Variants in PTPRD observed in about 807,000 individuals in gnomAD.
PTPRD encodes the protein protein tyrosine phosphatase receptor type D.
PTPRD carries 34 observed loss-of-function variants against 214.5 expected under a neutral mutation model. That is an observed-to-expected ratio of 0.16 (90% CI 0.12 to 0.21). PTPRD has a LOEUF of 0.21. Among genes scored for constraint, PTPRD ranks in the 10% least tolerant of loss-of-function variants. The probability of loss-of-function intolerance (pLI) is 1.00; values close to 1 mark genes in which losing one functional copy is unlikely to be tolerated. For synonymous variants in PTPRD, 1,128 were observed against 845.7 expected, an observed-to-expected ratio of 1.33 and a Z score of -5.79; for missense variants, 2,545 against 2,398.7, an observed-to-expected ratio of 1.06 and a Z score of -1.27.
At chr9:8,919,723 G>A (rs542409790) in intron 11 of PTPRD, among the ~76,000 whole-genome samples, 99 of 151,466 alleles carry the variant, frequency 6.5e-4, no homozygotes, top group African/African-American at 1.7e-3. Context: ...CTGCAGTCAC[G>A]CATGCATGCA....
At chr9:10,305,972 T>C (rs947164763) in intron 3 of PTPRD, among the ~76,000 whole-genome samples, 1 of 151,994 alleles carries the variant, frequency 6.6e-6, no homozygotes, top group African/African-American at 2.4e-5. Context: ...CATATACACA[T>C]ATATGTTTAT....
chr9:10,236,915 A>G (rs1200788727), intron 3 of PTPRD, among the ~76,000 whole-genome samples: 1 of 151,936 alleles, frequency 6.6e-6, no homozygotes, highest in African/African-American at 2.4e-5. Context: ...TATTAAAAAT[A>G]TTATTCTTTG....
intron 11 of PTPRD, among the ~76,000 whole-genome samples, chr9:8,829,920 T>C (rs1205029708): frequency 6.6e-6 from 1 of 152,180 alleles, no homozygotes; most frequent in Admixed American, 6.5e-5. Flanking sequence ...AACCTCTTCA[T>C]TAACTATATA....
intron 10 of PTPRD, among the ~76,000 whole-genome samples, chr9:9,156,639 G>A (rs2099881424): frequency 6.6e-6 from 1 of 152,078 alleles, no homozygotes; most frequent in Non-Finnish European, 1.5e-5. Flanking sequence ...ATTCACAGCG[G>A]CGTCATGTAT....
At chr9:8,716,268 A>C (rs1460540516) in intron 12 of PTPRD, among the ~76,000 whole-genome samples, 1 of 152,234 alleles carries the variant, frequency 6.6e-6, no homozygotes, top group Non-Finnish European at 1.5e-5. Context: ...AAGGAGAACC[A>C]AAGGATTTAA....
intron 10 of PTPRD, among the ~76,000 whole-genome samples, chr9:9,103,140 C>T (rs1384619194): frequency 5.3e-5 from 8 of 152,066 alleles, no homozygotes; most frequent in African/African-American, 1.9e-4. Context: ...TGCTGGTATT[C>T]CAAGTTATAA....
chr9:9,477,801 T>A (rs555706902), intron 8 of PTPRD, among the ~76,000 whole-genome samples: 1 of 152,198 alleles, frequency 6.6e-6, no homozygotes, highest in Non-Finnish European at 1.5e-5. Context: ...CTGTACATTT[T>A]CTTGACAAAC....
Position 10,459,662 on chromosome 9 carries a change from C to CT in PTPRD, c.-599-118646dup, listed in dbSNP as rs1022860509. Among the ~76,000 whole-genome samples, 51 of 147,120 alleles carry CT rather than the reference C, an allele frequency of 3.5e-4. No individual in the cohort carries two copies. The East Asian group carries it at 4.0e-3, about 11-fold the overall frequency. On this transcript the variant is annotated intron_variant, in intron 2 of 45. Transcript: ENST00000381196. ...TTCTCTAACGACCCGTGATGAAGAGCTTTTTTTTTTTCATACGTTTGTTGG... is the reference window on the plus strand; with the variant it reads ...TTCTCTAACGACCCGTGATGAAGAGCTTTTTTTTTTTTCATACGTTTGTTGG...
At chr9:10,003,924 T>C (rs2096400870) in intron 4 of PTPRD, among the ~76,000 whole-genome samples, 1 of 151,782 alleles carries the variant, frequency 6.6e-6, no homozygotes, top group South Asian at 2.1e-4. Flanking sequence ...TTATTCAAAA[T>C]TAATTTTGAA....
intron 22 of PTPRD, among the ~76,000 whole-genome samples, chr9:8,506,620 G>C (rs2097547566): frequency 6.6e-6 from 1 of 152,136 alleles, no homozygotes; most frequent in African/African-American, 2.4e-5. Flanking sequence ...CGATTAATAA[G>C]AAAGGCTAGC....
chr9:9,230,649 C>G (rs1015399642), intron 9 of PTPRD, among the ~76,000 whole-genome samples: 4 of 152,068 alleles, frequency 2.6e-5, no homozygotes, highest in African/African-American at 9.7e-5. Flanking sequence ...CTAGGACACC[C>G]AGCTGTTTGG....
intron 4 of PTPRD, among the ~76,000 whole-genome samples, chr9:10,026,899 A>C (rs906711694): frequency 6.6e-6 from 1 of 152,124 alleles, no homozygotes; most frequent in East Asian, 1.9e-4. Context: ...GAAGGATATA[A>C]AATTGCAACA....
chr9:10,355,730 G>A (rs2097265096), intron 2 of PTPRD, among the ~76,000 whole-genome samples: 1 of 151,918 alleles, frequency 6.6e-6, no homozygotes, highest in Non-Finnish European at 1.5e-5. Flanking sequence ...CGCCCACCTC[G>A]GCCTCCCAAA....
chr9:9,107,210 C>A (rs910398120), intron 10 of PTPRD, among the ~76,000 whole-genome samples: 1 of 151,910 alleles, frequency 6.6e-6, no homozygotes, highest in African/African-American at 2.4e-5. Flanking sequence ...AGGCCAAAAG[C>A]CAGACTTTGA....
chr9:8,836,964 C>T (rs1300356517), intron 11 of PTPRD, among the ~76,000 whole-genome samples: 1 of 151,720 alleles, frequency 6.6e-6, no homozygotes, highest in Non-Finnish European at 1.5e-5. Flanking sequence ...ATTAATAACC[C>T]ACCCATCCCC....
At chr9:9,011,118 TCTA>T (rs1201308368) in intron 11 of PTPRD, among the ~76,000 whole-genome samples, 1 of 152,064 alleles carries the variant, frequency 6.6e-6, no homozygotes, top group Non-Finnish European at 1.5e-5. Context: ...GAGTGGCAAT[TCTA>T]GTCTGTAGGG....
At chr9:9,068,259 A>G (rs761373835) in intron 10 of PTPRD, among the ~76,000 whole-genome samples, 2 of 152,174 alleles carry the variant, frequency 1.3e-5, no homozygotes, top group Non-Finnish European at 2.9e-5. Flanking sequence ...TGAAGTGGAC[A>G]TCTGGGCTGC....
At chr9:10,256,478 G>A (rs989378596) in intron 3 of PTPRD, among the ~76,000 whole-genome samples, 2 of 151,124 alleles carry the variant, frequency 1.3e-5, no homozygotes, top group Admixed American at 6.6e-5. Flanking sequence ...GAAAATTTTA[G>A]CTCCATTATA....
At chr9:10,177,235 A>G (rs2099254056) in intron 3 of PTPRD, among the ~76,000 whole-genome samples, 1 of 151,892 alleles carries the variant, frequency 6.6e-6, no homozygotes, top group African/African-American at 2.4e-5. Flanking sequence ...AGGAAAGGTG[A>G]GTAAGGAGCC....
Sources: allele counts gnomAD v4.1 joint callset (sites outside exome capture counted in the v4.1 genomes callset), GRCh38; gene constraint gnomAD v4.1.1; transcripts MANE v1.5; gene names NCBI Gene and HGNC (gene_info 2026-07-23, HGNC 2026-07-21).